Variants in NPFFR2 observed in about 807,000 individuals in gnomAD.
NPFFR2 encodes the protein G-protein coupled receptor 74.
A neutral mutation model predicts 13.1 loss-of-function variants in NPFFR2; 15 were observed. The observed-to-expected ratio is 1.15, with a 90% CI of 0.77 to 1.76. The LOEUF (loss-of-function observed/expected upper bound fraction) is 1.76, where lower values mean the gene tolerates loss of function less well. NPFFR2 is among the 40% of genes most tolerant of loss of function. The probability of loss-of-function intolerance (pLI) is 0.00; values close to 1 mark genes in which losing one functional copy is unlikely to be tolerated. For synonymous variants in NPFFR2, 190 were observed against 175.7 expected, an observed-to-expected ratio of 1.08 and a Z score of -0.65; for missense variants, 572 against 503.5, an observed-to-expected ratio of 1.14 and a Z score of -1.30.
At chr4:72,061,442 C>T (rs1444651224) in intron 1 of NPFFR2, among the ~76,000 whole-genome samples, 4 of 152,092 alleles carry the variant, frequency 2.6e-5, no homozygotes, top group East Asian at 1.9e-4. Context: ...TTTGAAGCTC[C>T]GGAGCCAGAT....
chr4:72,102,203 T>G (rs1721269835), intron 1 of NPFFR2, among the ~76,000 whole-genome samples: 1 of 152,046 alleles, frequency 6.6e-6, no homozygotes, highest in African/African-American at 2.4e-5. Context: ...AAGACAAGAT[T>G]ACGAGATCAA....
intron 1 of NPFFR2, among the ~76,000 whole-genome samples, chr4:72,055,440 T>C (rs1242958508): frequency 6.6e-6 from 1 of 152,024 alleles, no homozygotes; most frequent in Admixed American, 6.6e-5. Context: ...CTGACTGCTC[T>C]ACCATAGCAC....
intron 1 of NPFFR2, among the ~76,000 whole-genome samples, chr4:72,096,668 C>A (rs1307607509): frequency 6.6e-6 from 1 of 152,002 alleles, no homozygotes; most frequent in African/African-American, 2.4e-5. Context: ...AATTTACCAA[C>A]CTGGGGATTG....
At chr4:72,142,282 G>T (rs980118883) in intron 3 of NPFFR2, among the ~76,000 whole-genome samples, 1 of 152,256 alleles carries the variant, frequency 6.6e-6, no homozygotes, top group Non-Finnish European at 1.5e-5. Flanking sequence ...CGTTATATTT[G>T]AATTTGATCC....
intron 3 of NPFFR2, among the ~76,000 whole-genome samples, chr4:72,141,174 A>G (rs1014219299): frequency 8.6e-5 from 13 of 151,340 alleles, no homozygotes; most frequent in African/African-American, 3.2e-4. Context: ...TGTTGCTAGT[A>G]GTCTATCAAT....
At chr4:72,059,892 C>A (rs1307664012) in intron 1 of NPFFR2, among the ~76,000 whole-genome samples, 1 of 152,108 alleles carries the variant, frequency 6.6e-6, no homozygotes, top group East Asian at 1.9e-4. Context: ...TGGGAACCTG[C>A]ACATTAACAA....
chr4:72,068,976 G>C (rs561438671), intron 1 of NPFFR2: 1 of 1,434,362 alleles, frequency 7.0e-7, no homozygotes, highest in Admixed American at 2.8e-5. Flanking sequence ...ACATCAAAAA[G>C]ATTGAATGTC....
At chr4:72,070,400 A>G (rs1043169336) in intron 1 of NPFFR2, among the ~76,000 whole-genome samples, 1 of 152,166 alleles carries the variant, frequency 6.6e-6, no homozygotes, top group Non-Finnish European at 1.5e-5. Context: ...GTAGAGGAAC[A>G]CACAGTTTTT....
In NPFFR2 at chr4:72,112,959, C is replaced by T. The variant is rs566343327; in HGVS notation, c.-7-15626C>T. Among the ~76,000 whole-genome samples the T allele has an allele frequency of 3.9e-5, 6 of 152,152 alleles. No individual in the cohort carries two copies. In the South Asian group the frequency reaches 1.0e-3, roughly 26 times the overall value. ...GGGGATTAGCCTTCAACTTACATAG[C>T]TCTAAAATTAGTGAAATTTCCTAGA... On this transcript the variant is annotated intron_variant, in intron 1 of 3. Coordinates refer to ENST00000308744, the MANE Select transcript of NPFFR2 (RefSeq NM_004885.3).
At chr4:72,057,591 G>A (rs1022971115) in intron 1 of NPFFR2, among the ~76,000 whole-genome samples, 5 of 151,864 alleles carry the variant, frequency 3.3e-5, no homozygotes, top group East Asian at 1.9e-4. Context: ...CCTAAATTTC[G>A]GGTGATATCA....
At chr4:72,045,244 G>A (rs1281375723) in intron 1 of NPFFR2, among the ~76,000 whole-genome samples, 3 of 152,082 alleles carry the variant, frequency 2.0e-5, no homozygotes, top group Non-Finnish European at 2.9e-5. Flanking sequence ...ATACACAGTA[G>A]TGAGATTGCA....
At chr4:72,118,064 A>G (rs1420745198) in intron 1 of NPFFR2, among the ~76,000 whole-genome samples, 2 of 152,180 alleles carry the variant, frequency 1.3e-5, no homozygotes, top group African/African-American at 4.8e-5. Context: ...GAAGGAAAGG[A>G]AAATAATATC....
chr4:72,128,892 A>T lies in NPFFR2; in HGVS notation c.301A>T (p.Ile101Leu). Residue 101 changes from isoleucine (I) to leucine (L), a missense_variant, in exon 2 of 4, where the codon ATA (isoleucine) becomes TTA (leucine). By Grantham distance (5) the Ile-to-Leu change is conservative (BLOSUM62 2). Transcript: ENST00000308744. ...DLLVGIFCMP[I>L]TLLDNIIAGW... ...ACTAGTTGGCATATTCTGCATGCCT[A>T]TAACACTGCTGGACAATATTATAGC... is the stretch of plus-strand genomic sequence containing the variant. The T allele has an allele frequency of 6.2e-7, 1 of 1,613,132 alleles. No individual in the cohort carries two copies. The highest frequency in any genetic ancestry group is 8.5e-7 in the Non-Finnish European group (1 of 1,179,164).
Position 72,147,636 on chromosome 4 carries a change from T to A in NPFFR2, c.1087T>A (p.Tyr363Asn). ...AAAAAGAGCAAAGCCTATGGAAGCT[T>A]ATGCCCTAAAAGCTAAAAGCCATGT... ...CQKRAKPMEA[Y>N]ALKAKSHVLI... Residue 363 changes from tyrosine to asparagine, a missense_variant, in exon 4 of 4, where the codon TAT becomes AAT. By Grantham distance (143) the Tyr-to-Asn change is moderately radical. Coordinates refer to ENST00000308744, the MANE Select transcript of NPFFR2 (RefSeq NM_004885.3). 1 of 1,614,122 alleles carries A rather than the reference T, an allele frequency of 6.2e-7. No homozygotes were observed. The highest frequency in any genetic ancestry group is 1.1e-5 in the South Asian group (1 of 91,086).
At chr4:72,079,136 C>G (rs1237470024) in intron 1 of NPFFR2, among the ~76,000 whole-genome samples, 1 of 151,538 alleles carries the variant, frequency 6.6e-6, no homozygotes, top group Non-Finnish European at 1.5e-5. Flanking sequence ...GTGTCAAACT[C>G]CTGCTTGTGG....
intron 1 of NPFFR2, among the ~76,000 whole-genome samples, chr4:72,068,329 C>T (rs886742638): frequency 6.6e-6 from 1 of 152,184 alleles, no homozygotes; most frequent in Non-Finnish European, 1.5e-5. Flanking sequence ...GAAAGGAGTG[C>T]TGTGTCCTAA....
At chr4:72,075,292 G>T (rs955852739) in intron 1 of NPFFR2, among the ~76,000 whole-genome samples, 13 of 152,112 alleles carry the variant, frequency 8.5e-5, no homozygotes, top group Non-Finnish European at 1.8e-4. Context: ...GGCTCTCCTT[G>T]CTGTTCAGCC....
At chr4:72,098,647 T>C (rs916166624) in intron 1 of NPFFR2, among the ~76,000 whole-genome samples, 2 of 152,126 alleles carry the variant, frequency 1.3e-5, no homozygotes, top group Non-Finnish European at 2.9e-5. Flanking sequence ...ACAATAGAAT[T>C]TTCTTTCTGC....
rs1029475110 is a variant in NPFFR2, at chr4:72,087,465, G to A, written c.-7-41120G>A. Among the ~76,000 whole-genome samples, 80 of 152,004 alleles carry A rather than the reference G, an allele frequency of 5.3e-4. 3 individuals are homozygous for A. Among genetic ancestry groups the A allele is most frequent in the Non-Finnish European group, 2.9e-5 (2 of 67,980 alleles). On this transcript the variant is annotated intron_variant, in intron 1 of 3. Coordinates refer to ENST00000308744, the MANE Select transcript of NPFFR2 (RefSeq NM_004885.3). Reference sequence around the variant, plus strand: ...AGGAAAGATAGATTTGACTAAAAATGTCATCTAGGAAAATTTTAACCAAAA... The same window carrying A: ...AGGAAAGATAGATTTGACTAAAAATATCATCTAGGAAAATTTTAACCAAAA...
Sources: gnomAD v4.1 joint callset for allele counts (sites outside exome capture counted in the v4.1 genomes callset) on GRCh38, gnomAD v4.1.1 for gene constraint, MANE v1.5 for transcripts, NCBI Gene and HGNC (gene_info 2026-07-23, HGNC 2026-07-21) for gene names.